KIF26B: variants seen among roughly 807,000 people sequenced by gnomAD.
The protein encoded by KIF26B is kinesin family member 26B, also known as kinesin-like protein KIF26B.
A neutral mutation model predicts 151.2 loss-of-function variants in KIF26B; 63 were observed. That is an observed-to-expected ratio of 0.42 (90% CI 0.34 to 0.51). The LOEUF is 0.51. KIF26B is among the 20% of genes least tolerant of loss of function. The pLI, the probability that KIF26B is intolerant of heterozygous loss-of-function variation, is 0.07. For missense variants in KIF26B, 2,813 were observed against 2,913.6 expected (o/e 0.97, Z 0.79); for synonymous variants, 1,357 against 1,262.1 (o/e 1.08, Z -1.59).
At chr1:245,320,216 G>C (rs2102986651) in intron 2 of KIF26B, among the ~76,000 whole-genome samples, 1 of 152,342 alleles carries the variant, frequency 6.6e-6, no homozygotes, top group Non-Finnish European at 1.5e-5. Flanking sequence ...ACCCTGTTCA[G>C]TGCAGAGGCA....
At chr1:245,233,527 A>G (rs1558355470) in intron 2 of KIF26B, among the ~76,000 whole-genome samples, 1 of 152,192 alleles carries the variant, frequency 6.6e-6, no homozygotes, top group Non-Finnish European at 1.5e-5. Context: ...TTCTCATTGT[A>G]TGAAGATACC....
At chr1:245,293,640 G>A (rs10754451) in intron 2 of KIF26B, among the ~76,000 whole-genome samples, 3 of 149,970 alleles carry the variant, frequency 2.0e-5, no homozygotes, top group South Asian at 2.1e-4. Flanking sequence ...GTGCAATGGC[G>A]CAATCTCCAC....
intron 2 of KIF26B, among the ~76,000 whole-genome samples, chr1:245,351,000 C>G (rs1031979347): frequency 1.3e-5 from 2 of 152,156 alleles, no homozygotes; most frequent in African/African-American, 4.8e-5. Context: ...GGGAGGAGGG[C>G]AAGGAATTGA....
rs1352495632 is a variant in KIF26B at position 245,358,610 on chromosome 1, C to A, written c.466-8224C>A. 6.6e-6 allele frequency among the ~76,000 whole-genome samples: 1 copy of A among 152,190 alleles called. No individual in the cohort carries two copies. The highest frequency in any genetic ancestry group is 1.5e-5 in the Non-Finnish European group (1 of 68,036). On this transcript the variant is annotated intron_variant, in intron 2 of 14. Transcript: ENST00000407071. This position sits in a 1 kb window ranked among gnomAD's most constrained non-coding sequence, Gnocchi z 4.1. ...AATTAAAAGAAAAAGAAACATTAAG[C>A]AATTTTATAATTAGATAATTAACAG...
rs187917489 is a variant in KIF26B at position 245,201,757 on chromosome 1, G to A, written c.465+45074G>A. 1.4e-4 allele frequency among the ~76,000 whole-genome samples: 21 copies of A among 152,238 alleles called. No homozygotes were observed. In the East Asian group the frequency reaches 2.5e-3, roughly 18 times the overall value. On this transcript the variant is annotated intron_variant, in intron 2 of 14. Coordinates refer to ENST00000407071, the MANE Select transcript of KIF26B (RefSeq NM_018012.4). ...GAGACAAGCCCCCTTTTTAGGAGGC[G>A]TGGGGGCGGGGGGAAGGGGATCCAT...
intron 4 of KIF26B, among the ~76,000 whole-genome samples, chr1:245,424,851 C>T (rs1179481568): frequency 6.6e-6 from 1 of 152,186 alleles, no homozygotes; most frequent in Non-Finnish European, 1.5e-5. Flanking sequence ...CTGTTCTGTG[C>T]TTTTCTTCCT....
At chr1:245,684,096 G>A in intron 10 of KIF26B, 137 bp from the exon 11 acceptor site, 1 of 846,622 alleles carries the variant, frequency 1.2e-6, no homozygotes. Context: ...GGAAAATGAT[G>A]CTAATTAGTA....
chr1:245,611,734 A>G (rs2043523706), intron 8 of KIF26B, 59 bp from the exon 9 acceptor site: 1 of 1,544,768 alleles, frequency 6.5e-7, no homozygotes, highest in African/African-American at 1.4e-5. Context: ...ACACCCAGGC[A>G]TGAGTGACAG....
intron 9 of KIF26B, among the ~76,000 whole-genome samples, chr1:245,637,586 C>T (rs2043849060): frequency 6.6e-6 from 1 of 151,910 alleles, no homozygotes; most frequent in Admixed American, 6.6e-5. Flanking sequence ...AAAATATTCG[C>T]CAATGTCCTG....
At chr1:245,277,821 TG>T (rs1298838857) in intron 2 of KIF26B, among the ~76,000 whole-genome samples, 1 of 152,052 alleles carries the variant, frequency 6.6e-6, no homozygotes, top group Non-Finnish European at 1.5e-5. Flanking sequence ...GCAGGGAGGA[TG>T]GGGGTTGGAA....
intron 2 of KIF26B, among the ~76,000 whole-genome samples, chr1:245,347,142 G>A (rs376463229): frequency 2.0e-5 from 3 of 152,046 alleles, no homozygotes; most frequent in Non-Finnish European, 4.4e-5. Flanking sequence ...TAGTGGGCTC[G>A]AGCACCCTCT....
chr1:245,582,335 T>G (rs2043183906), intron 5 of KIF26B, among the ~76,000 whole-genome samples: 1 of 152,212 alleles, frequency 6.6e-6, no homozygotes, highest in Non-Finnish European at 1.5e-5. Flanking sequence ...ATGTATCAAG[T>G]CAATAACTTA....
intron 10 of KIF26B, among the ~76,000 whole-genome samples, chr1:245,646,888 C>G (rs2043953759): frequency 6.6e-6 from 1 of 152,076 alleles, no homozygotes; most frequent in Non-Finnish European, 1.5e-5. Context: ...TACTACTGCT[C>G]CAATTAAATT....
intron 4 of KIF26B, among the ~76,000 whole-genome samples, chr1:245,482,623 G>A (rs1660191615): frequency 1.3e-5 from 2 of 151,670 alleles, no homozygotes; most frequent in South Asian, 2.1e-4. Flanking sequence ...AATAAGAAGC[G>A]AGGGCACAGC....
chr1:245,226,017 T>C (rs1669866060), intron 2 of KIF26B: 1 of 152,250 alleles, frequency 6.6e-6, no homozygotes, highest in African/African-American at 2.4e-5. Context: ...GAGTGCTTAC[T>C]GTGTGCAGGA....
chr1:245,686,306 G>A lies in KIF26B; in HGVS notation c.3323G>A (p.Ser1108Asn), dbSNP rs751913043. ...LPSPAPLPPS[S>N]KDSGVASRES... ...TCTCCCGCCCCACTGCCTCCCTCGA[G>A]CAAGGATTCCGGCGTGGCGTCTAGG... The change falls in exon 12 of 15, where the codon AGC becomes AAC. Residue 1108 changes from serine to asparagine, a missense_variant. Physicochemically the swap from Ser to Asn is conservative, Grantham distance 46. Around this residue, in one of 3 missense-constraint regions of KIF26B, gnomAD observed 2,060 missense variants for 2,088.6 expected, o/e 0.99. Transcript: ENST00000407071. The surrounding 1 kb of genome is among the most constrained non-coding windows in gnomAD (Gnocchi z 5.6). 1 of 1,612,948 alleles carries A rather than the reference G, an allele frequency of 6.2e-7. No homozygotes were observed. Among genetic ancestry groups the A allele is most frequent in the African/African-American group, 1.3e-5 (1 of 74,908 alleles).
chr1:245,332,015 A>G (rs1047994375), intron 2 of KIF26B, among the ~76,000 whole-genome samples: 4 of 152,166 alleles, frequency 2.6e-5, no homozygotes, highest in Non-Finnish European at 5.9e-5. Context: ...AGTCTCAGCT[A>G]GTCGGGAGGC....
chr1:245,349,605 A>T (rs1672526332), intron 2 of KIF26B, among the ~76,000 whole-genome samples: 1 of 151,876 alleles, frequency 6.6e-6, no homozygotes, highest in African/African-American at 2.4e-5. Context: ...TCTGATATTA[A>T]CTGCCTCGGG....
intron 12 of KIF26B, among the ~76,000 whole-genome samples, chr1:245,689,642 C>T (rs1411758363): frequency 1.3e-5 from 2 of 152,228 alleles, no homozygotes; most frequent in Non-Finnish European, 2.9e-5. Context: ...ACTGCAACCT[C>T]TGCTTCCTAT....
Sources: gnomAD v4.1 joint callset for allele counts (sites outside exome capture counted in the v4.1 genomes callset) on GRCh38, gnomAD v4.1.1 for gene constraint, gnomAD v4.1.1 regional missense constraint, Gnocchi (gnomAD v3.1) non-coding constraint, MANE v1.5 for transcripts, NCBI Gene and HGNC (gene_info 2026-07-23, HGNC 2026-07-21) for gene names.